The following AKR1C3 variants were observed in gnomAD, a reference collection of about 807,000 sequenced individuals.
The protein encoded by AKR1C3 is aldo-keto reductase family 1 member C3.
A neutral mutation model predicts 43.6 loss-of-function variants in AKR1C3; 48 were observed. The observed-to-expected ratio is 1.10, with a 90% CI of 0.87 to 1.40. The LOEUF is 1.40. Among genes scored for constraint, AKR1C3 ranks in the 40% most tolerant of loss-of-function variants. The pLI is 0.00. For missense variants in AKR1C3, 482 were observed against 391.2 expected, an observed-to-expected ratio of 1.23 and a Z score of -1.96; for synonymous variants, 162 against 139.6, an observed-to-expected ratio of 1.16 and a Z score of -1.13.
At chr10:5,053,781 A>T (rs1215791998) in intron 1 of AKR1C3, among the ~76,000 whole-genome samples, 2 of 152,202 alleles carry the variant, frequency 1.3e-5, no homozygotes, top group Admixed American at 6.5e-5. Flanking sequence ...TGTCCTCCAG[A>T]GGGGAGTTCT....
chr10:5,102,835 A>G (rs1839392185), intron 7 of AKR1C3, among the ~76,000 whole-genome samples, 185 bp downstream of exon 7: 1 of 152,218 alleles, frequency 6.6e-6, no homozygotes, highest in Non-Finnish European at 1.5e-5. Context: ...GGTGCAGAGA[A>G]TTAAGATGGG....
intron 1 of AKR1C3, among the ~76,000 whole-genome samples, chr10:5,095,630 C>G (rs1294924932): frequency 6.6e-6 from 1 of 151,998 alleles, no homozygotes; most frequent in Non-Finnish European, 1.5e-5. Context: ...AAATACCTTT[C>G]AAATCTTTAT....
At chr10:5,066,096 T>C (rs1390739175) in intron 1 of AKR1C3, among the ~76,000 whole-genome samples, 1 of 152,200 alleles carries the variant, frequency 6.6e-6, no homozygotes. Context: ...TGAATTGGGT[T>C]AAAACATTTA....
At chr10:5,093,158 C>T (rs561962799), upstream of AKR1C3, among the ~76,000 whole-genome samples, 23 of 152,170 alleles carry the variant, frequency 1.5e-4, no homozygotes, top group African/African-American at 5.1e-4. Context: ...TATTGCACGT[C>T]TCTTCCCCTA....
chr10:5,107,494 T>A lies in AKR1C3; in HGVS notation c.963T>A (p.Asp321Glu), dbSNP rs587682831. Residue 321 changes from aspartate (D) to glutamate (E), a missense_variant, in exon 9 of 9, where the codon GAT (aspartate) becomes GAA (glutamate). Coordinates refer to ENST00000380554, the MANE Select transcript of AKR1C3 (RefSeq NM_003739.6). ...GCCACCCTAATTATCCATATTCAGA[T>A]GAATATTAACATGGAGGGCTTTGCC... is the stretch of plus-strand genomic sequence containing the variant. ...FASHPNYPYS[D>E]EY is the part of the protein sequence containing the mutation. 2 of 1,588,602 alleles carry A rather than the reference T, an allele frequency of 1.3e-6. No individual in the cohort carries two copies. The highest frequency in any genetic ancestry group is 2.7e-5 in the African/African-American group (2 of 74,336).
At chr10:5,059,995 T>G (rs1838349125) in intron 1 of AKR1C3, among the ~76,000 whole-genome samples, 1 of 152,102 alleles carries the variant, frequency 6.6e-6, no homozygotes, top group African/African-American at 2.4e-5. Flanking sequence ...TTCTGGTGGG[T>G]GCATGGTCTC....
intron 6 of AKR1C3, 103 bp downstream of exon 6, chr10:5,102,313 G>A: frequency 1.3e-6 from 2 of 1,583,654 alleles, no homozygotes; most frequent in Non-Finnish European, 1.7e-6. Context: ...GTGGCTCATG[G>A]AGAGGAAAGA....
At chr10:5,093,997 A>T (rs1013344925), upstream of AKR1C3, 2 of 152,452 alleles carry the variant, frequency 1.3e-5, no homozygotes, top group Non-Finnish European at 2.9e-5. Context: ...AATTATGTGT[A>T]TGTGAGAGAA....
intron 1 of AKR1C3, among the ~76,000 whole-genome samples, chr10:5,056,151 C>G (rs1029748691): frequency 6.6e-6 from 1 of 152,080 alleles, no homozygotes; most frequent in Non-Finnish European, 1.5e-5. Flanking sequence ...GACCAGAGTG[C>G]CTGGACTTGA....
At position 5,096,500 on chromosome 10, in the gene AKR1C3, G is replaced by A. The variant is rs145075384; in HGVS notation, c.175G>A (p.Glu59Lys). 149 of 1,613,868 alleles carry A rather than the reference G, an allele frequency of 9.2e-5. 1 individual carries two copies. The African/African-American group carries it at 1.7e-3, about 19-fold the overall frequency. ...IDSAHLYNNE[E>K]QVGLAIRSKI... is the part of the protein sequence containing the mutation. Reference sequence around the variant, plus strand: ...TTCTGCTCATTTATACAATAATGAGGAGCAGGTTGGACTGGCCATCCGAAG... The same window carrying A: ...TTCTGCTCATTTATACAATAATGAGAAGCAGGTTGGACTGGCCATCCGAAG... The change falls in exon 2 of 9, where the codon GAG becomes AAG. Residue 59 changes from glutamate (E) to lysine (K), a missense_variant. Physicochemically the swap from Glu to Lys is moderately conservative, Grantham distance 56 (BLOSUM62 1). Transcript: ENST00000380554.
intron 1 of AKR1C3, among the ~76,000 whole-genome samples, chr10:5,069,897 C>A (rs1176393872): frequency 2.0e-5 from 3 of 152,098 alleles, no homozygotes; most frequent in Non-Finnish European, 2.9e-5. Flanking sequence ...GAAAAGAGCC[C>A]TTCCGCCTTC....
intron 1 of AKR1C3, among the ~76,000 whole-genome samples, chr10:5,086,368 C>G (rs1554783075): frequency 3.3e-5 from 5 of 151,442 alleles, no homozygotes. Context: ...TGTTCAGTTT[C>G]CATGTAGTTG....
At chr10:5,099,842 C>T (rs373172025) in intron 5 of AKR1C3, 19 of 185,870 alleles carry the variant, frequency 1.0e-4, no homozygotes, top group African/African-American at 3.3e-4. Flanking sequence ...ATGAGCTGTA[C>T]GTGAACAGAG....
intron 1 of AKR1C3, among the ~76,000 whole-genome samples, chr10:5,072,096 G>T (rs1554781377): frequency 1.3e-5 from 2 of 152,144 alleles, no homozygotes; most frequent in African/African-American, 4.8e-5. Context: ...GCTACAGACA[G>T]GTGGGAATGA....
At chr10:5,064,571 A>T (rs1205819264) in intron 1 of AKR1C3, among the ~76,000 whole-genome samples, 1 of 152,208 alleles carries the variant, frequency 6.6e-6, no homozygotes, top group Non-Finnish European at 1.5e-5. Context: ...AGCAAAAGAC[A>T]CTAGCAACAG....
intron 1 of AKR1C3, among the ~76,000 whole-genome samples, chr10:5,080,402 T>C (rs1185192756): frequency 1.3e-5 from 2 of 152,100 alleles, no homozygotes; most frequent in South Asian, 4.1e-4. Flanking sequence ...GGCAAGTGGA[T>C]TGCTTGAGGC....
chr10:5,072,967 T>C (rs7078343), intron 1 of AKR1C3, among the ~76,000 whole-genome samples: 16,863 of 152,192 alleles, frequency 0.11, 1,168 homozygotes, highest in East Asian at 0.23. Flanking sequence ...TTTATTTGTT[T>C]ATTTATTTAT....
intron 1 of AKR1C3, among the ~76,000 whole-genome samples, chr10:5,074,019 C>T (rs886127783): frequency 2.6e-5 from 4 of 152,154 alleles, no homozygotes; most frequent in Non-Finnish European, 5.9e-5. Flanking sequence ...GAGATAATTA[C>T]ATATTTGATT....
intron 1 of AKR1C3, among the ~76,000 whole-genome samples, chr10:5,065,799 T>G (rs1433099589): frequency 6.6e-6 from 1 of 152,164 alleles, no homozygotes; most frequent in Non-Finnish European, 1.5e-5. Context: ...GGCCTTATGT[T>G]CCCTGCCTCC....
Sources: gnomAD v4.1 joint callset for allele counts (sites outside exome capture counted in the v4.1 genomes callset) on GRCh38, gnomAD v4.1.1 for gene constraint, MANE v1.5 for transcripts, NCBI Gene and HGNC (gene_info 2026-07-23, HGNC 2026-07-21) for gene names.